The following MKNK2 variants were observed in gnomAD, a reference collection of about 807,000 sequenced individuals.
MKNK2 encodes MAPK interacting serine/threonine kinase 2.
Under a neutral mutation model 55.0 loss-of-function variants are expected in MKNK2, and 54 were observed. The observed-to-expected ratio is 0.98, with a 90% CI of 0.79 to 1.23. The LOEUF is 1.23. MKNK2 is among the 50% of genes most tolerant of loss of function. The pLI is 0.00. For missense variants in MKNK2, 685 were observed against 632.1 expected, an observed-to-expected ratio of 1.08 and a Z score of -0.90; for synonymous variants, 323 against 256.0, an observed-to-expected ratio of 1.26 and a Z score of -2.50.
chr19:2,043,899 G>A (rs1393074165), intron 5 of MKNK2, among the ~76,000 whole-genome samples: 3 of 150,772 alleles, frequency 2.0e-5, no homozygotes, highest in South Asian at 2.1e-4. Context: ...ACTTGAACCC[G>A]GGAGGTGGAG....
At position 2,051,184 on chromosome 19, in the gene MKNK2, G is replaced by GCGC. The variant is rs1251216787; in HGVS notation, c.-188_-186dup. On this transcript the variant is annotated 5_prime_UTR_variant, in exon 1 of 14. Coordinates refer to ENST00000250896, the MANE Select transcript of MKNK2 (RefSeq NM_199054.3). ...CGCTCCGCGGACCGCGCGGGGAACA[G>GCGC]CGCCGCCGCCGCCGCCAGCGCGGAC... 1.8e-3 allele frequency: 285 copies of GCGC among 155,652 alleles called. 1 individual carries two copies. Among genetic ancestry groups the GCGC allele is most frequent in the Non-Finnish European group, 2.7e-3 (188 of 70,392 alleles). 9.6% of individuals were successfully genotyped at this position (155,652 alleles called of 1,614,324 possible).
chr19:2,037,674 C>A lies in MKNK2; in HGVS notation c.*1939G>T. On this transcript the variant is annotated 3_prime_UTR_variant, in exon 14 of 14. Transcript: ENST00000250896. ...TCTTTTAAAAACATCGTAACATTAA[C>A]ACATGGCCGTTCACCGTCCCCCAGC... The A allele has an allele frequency of 5.2e-4, 379 of 728,720 alleles. No homozygotes were observed. Among genetic ancestry groups the A allele is most frequent in the Non-Finnish European group, 6.9e-4 (336 of 489,158 alleles). The allele number at this position is 728,720 out of a possible 1,614,324, so 45.1% of individuals were successfully genotyped here.
chr19:2,042,535 A>C lies in MKNK2; in HGVS notation c.655-13T>G. The C allele has an allele frequency of 6.9e-6, 11 of 1,588,392 alleles. No individual in the cohort carries two copies. Among genetic ancestry groups the C allele is most frequent in the Non-Finnish European group, 9.4e-6 (11 of 1,168,566 alleles). ...TCACGGGGGAGACCTGGGAGGGGCC[A>C]AAAGGTCCGTGAGCCTGGGGTCCCA... On this transcript the variant is annotated splice_polypyrimidine_tract_variant and intron_variant, in intron 9 of 13. Coordinates refer to ENST00000250896, the MANE Select transcript of MKNK2 (RefSeq NM_199054.3).
At chr19:2,042,901 G>T (rs1417532553) in intron 7 of MKNK2, 31 bp from the exon 8 acceptor site, 1 of 1,540,906 alleles carries the variant, frequency 6.5e-7, no homozygotes, top group Admixed American at 2.0e-5. Flanking sequence ...CAGGACAGGG[G>T]GAACACGCAG....
intron 1 of MKNK2, 65 bp downstream of exon 1, chr19:2,051,031 T>G: frequency 4.2e-5 from 15 of 358,540 alleles, no homozygotes; most frequent in East Asian, 4.7e-5. Flanking sequence ...CGGCGAGGGC[T>G]CCGCGGGGCC....
rs2145681884 is a variant in MKNK2, at chr19:2,039,252, C to G, written c.*361G>C. The stretch of plus-strand genomic sequence containing the variant: ...GTGGGCCTGCTCTCCTGAGTCACTG[C>G]AAGCCACGTGGGCAGATGGCGGGCA... On this transcript the variant is annotated 3_prime_UTR_variant, in exon 14 of 14. Coordinates refer to ENST00000250896, the MANE Select transcript of MKNK2 (RefSeq NM_199054.3). 1 of 1,119,692 alleles carries G rather than the reference C, an allele frequency of 8.9e-7. No individual in the cohort carries two copies. The highest frequency in any genetic ancestry group is 4.8e-5 in the East Asian group (1 of 20,802). The allele number at this position is 1,119,692 out of a possible 1,614,324, so 69.4% of individuals were successfully genotyped here.
Position 2,039,680 on chromosome 19 carries a change from A to C in MKNK2, c.1331T>G (p.Leu444Arg), listed in dbSNP as rs768123393. 2.5e-6 allele frequency: 4 copies of C among 1,613,108 alleles called. No individual in the cohort carries two copies. Among genetic ancestry groups the C allele is most frequent in the Non-Finnish European group, 3.4e-6 (4 of 1,179,970 alleles). The change falls in exon 14 of 14, where the codon CTG becomes CGG. Residue 444 changes from leucine to arginine, a missense_variant. Physicochemically the swap from Leu to Arg is moderately radical, Grantham distance 102. Coordinates refer to ENST00000250896, the MANE Select transcript of MKNK2 (RefSeq NM_199054.3). Reference sequence around the variant, plus strand: ...ACTGGCCCTTTGCCGCCGCTGCGCCAGCTTGGACTGGGAGGGTGGAGACAG... The same window carrying C: ...ACTGGCCCTTTGCCGCCGCTGCGCCCGCTTGGACTGGGAGGGTGGAGACAG... ...LQLSPPSQSK[L>R]AQRRQRASLS...
intron 5 of MKNK2, among the ~76,000 whole-genome samples, chr19:2,045,880 C>T (rs930405845): frequency 9.2e-5 from 14 of 152,210 alleles, no homozygotes; most frequent in African/African-American, 3.4e-4. Flanking sequence ...CCCCTCTGGG[C>T]CCTGGGATAT....
Position 2,042,206 on chromosome 19 carries a change from GC to G in MKNK2, c.751-173del, listed in dbSNP as rs1294433350. On this transcript the variant is annotated intron_variant, in intron 10 of 13. Coordinates refer to ENST00000250896, the MANE Select transcript of MKNK2 (RefSeq NM_199054.3). ...CGCCCAATCAGCAGGTGCAGAGCTC[GC>G]CCCTCCCCCGCCGCGGCCCCGCCCC... 1.1e-5 allele frequency: 8 copies of G among 729,206 alleles called. 1 individual carries two copies. The African/African-American group carries it at 1.3e-4, about 12-fold the overall frequency. 45.2% of individuals were successfully genotyped at this position (729,206 alleles called of 1,614,324 possible). A position where few individuals can be genotyped will look rare whatever the true frequency, so the allele number is the denominator to read the frequency against.
At chr19:2,041,408 G>T (rs946877799) in intron 11 of MKNK2, among the ~76,000 whole-genome samples, 1 of 152,074 alleles carries the variant, frequency 6.6e-6, no homozygotes, top group South Asian at 2.1e-4. Flanking sequence ...AGCTCTGAGG[G>T]ACCTGGTTCC....
Position 2,037,871 on chromosome 19 carries a change from G to C in MKNK2, c.*1742C>G. 1 of 1,546,496 alleles carries C rather than the reference G, an allele frequency of 6.5e-7. No homozygotes were observed. On this transcript the variant is annotated 3_prime_UTR_variant, in exon 14 of 14. Transcript: ENST00000250896. ...AAAAACAAACAAACAAACGCTGCTAGCCACTCAGCTTTAGAGACCCGATGG... is the reference window on the plus strand; with the variant it reads ...AAAAACAAACAAACAAACGCTGCTACCCACTCAGCTTTAGAGACCCGATGG...
At chr19:2,042,935 C>A in intron 7 of MKNK2, 65 bp from the exon 8 acceptor site, 2 of 1,472,904 alleles carry the variant, frequency 1.4e-6, no homozygotes, top group Non-Finnish European at 9.3e-7. Flanking sequence ...CCCCTCAAGG[C>A]CAGCACCCAC....
intron 2 of MKNK2, among the ~76,000 whole-genome samples, chr19:2,050,363 G>A (rs2017088250): frequency 6.6e-6 from 1 of 152,246 alleles, no homozygotes; most frequent in Non-Finnish European, 1.5e-5. Context: ...AGGTGGGAAT[G>A]GGACTGTGGC....
chr19:2,042,316 G>A (rs2016906179), intron 10 of MKNK2, 111 bp downstream of exon 10: 4 of 1,010,708 alleles, frequency 4.0e-6, no homozygotes, highest in Non-Finnish European at 5.8e-6. Context: ...GCTGTTGCTA[G>A]GCGGAAGCCC....
At chr19:2,048,038 G>A (rs1050979546) in intron 2 of MKNK2, among the ~76,000 whole-genome samples, 3 of 146,872 alleles carry the variant, frequency 2.0e-5, no homozygotes, top group Non-Finnish European at 3.1e-5. Flanking sequence ...GGTCCTGGGG[G>A]CTCACGGGAG....
At position 2,040,125 on chromosome 19, in the gene MKNK2, G is replaced by A. The variant is rs188032614; in HGVS notation, c.1154+9C>T. 3.3e-4 allele frequency: 532 copies of A among 1,588,766 alleles called. 1 individual carries two copies. The highest frequency in any genetic ancestry group is 4.2e-4 in the Non-Finnish European group (487 of 1,169,274). On this transcript the variant is annotated intron_variant, in intron 13 of 13. Coordinates refer to ENST00000250896, the MANE Select transcript of MKNK2 (RefSeq NM_199054.3). ...ACTCAGGGGTCCCGAGCACCCCTGC[G>A]GGCCTTACCTCTGCAGGACCATGGG...
At position 2,046,586 on chromosome 19, in the gene MKNK2, C is replaced by T. The variant is rs760466781; in HGVS notation, c.139+18G>A. The T allele has an allele frequency of 1.3e-5, 20 of 1,556,270 alleles. No homozygotes were observed. Among genetic ancestry groups the T allele is most frequent in the Non-Finnish European group, 1.6e-5 (18 of 1,151,174 alleles). On this transcript the variant is annotated intron_variant, in intron 3 of 13. Coordinates refer to ENST00000250896, the MANE Select transcript of MKNK2 (RefSeq NM_199054.3). ...GACAGCAGCTGCCCTGTGCCCTCCT[C>T]CCCCTCGGGCCCCTCACCAGGGCGG... is the stretch of plus-strand genomic sequence containing the variant.
In MKNK2 at chr19:2,040,143, A is replaced by G. The variant is rs769652324; in HGVS notation, c.1145T>C (p.Val382Ala). 21 of 1,592,678 alleles carry G rather than the reference A, an allele frequency of 1.3e-5. No homozygotes were observed. The African/African-American group carries it at 2.8e-4, about 21-fold the overall frequency. Residue 382 changes from valine (V) to alanine (A), a missense_variant, in exon 13 of 14, where the codon GTC becomes GCC. Transcript: ENST00000250896. ...APENTLPTPMVLQRNSCAKDL... is the reference protein window; with the variant it reads ...APENTLPTPMALQRNSCAKDL... ...CCCCTGCGGGCCTTACCTCTGCAGG[A>G]CCATGGGAGTGGGCAAGGTGTTCTC...
In MKNK2 at chr19:2,037,965, C is replaced by T. The variant is rs745582030; in HGVS notation, c.*1648G>A. On this transcript the variant is annotated 3_prime_UTR_variant, in exon 14 of 14. Transcript: ENST00000250896. ...TGATACAAAAAGGCAGAGAATCCCC[C>T]GTTACGAAACATGGAATCACTGACA... is the stretch of plus-strand genomic sequence containing the variant. 32 of 1,376,266 alleles carry T rather than the reference C, an allele frequency of 2.3e-5. No individual in the cohort carries two copies. Among genetic ancestry groups the T allele is most frequent in the Middle Eastern group, 2.8e-4 (1 of 3,608 alleles). The allele number at this position is 1,376,266 out of a possible 1,614,324, so 85.3% of individuals were successfully genotyped here.
Sources: allele counts gnomAD v4.1 joint callset (sites outside exome capture counted in the v4.1 genomes callset), GRCh38; gene constraint gnomAD v4.1.1; transcripts MANE v1.5; gene names NCBI Gene and HGNC (gene_info 2026-07-23, HGNC 2026-07-21).